The following SLC25A5 variants were observed in gnomAD, a reference collection of about 807,000 sequenced individuals.
SLC25A5 encodes solute carrier family 25 member 5.
In SLC25A5, 4 loss-of-function variants were observed where a neutral mutation model predicts 16.5. That is an observed-to-expected ratio of 0.24 (90% CI 0.12 to 0.56). The LOEUF (loss-of-function observed/expected upper bound fraction) is 0.56, where lower values mean the gene tolerates loss of function less well. Among genes scored for constraint, SLC25A5 ranks in the 20% least tolerant of loss-of-function variants. The probability of loss-of-function intolerance (pLI) is 0.93; values close to 1 mark genes in which losing one functional copy is unlikely to be tolerated. For synonymous variants in SLC25A5, 60 were observed against 95.2 expected (o/e 0.63, Z 2.15); for missense variants, 88 against 248.0 (o/e 0.35, Z 4.33).
Position 119,469,962 on chromosome X carries a change from G to C in SLC25A5, c.413G>C (p.Arg138Pro). 2 of 1,066,337 alleles carry C rather than the reference G, an allele frequency of 1.9e-6. No individual in the cohort carries two copies. Among genetic ancestry groups the C allele is most frequent in the Non-Finnish European group, 2.5e-6 (2 of 814,160 alleles). The allele number at this position is 1,066,337 out of a possible 1,213,427, so 87.9% of individuals were successfully genotyped here. ...TTTGTGTACCCTCTTGATTTTGCCC[G>C]TACCCGTCTAGCAGCTGATGTGGGT... Reference protein sequence around the residue: ...LCFVYPLDFARTRLAADVGKA... With the variant: ...LCFVYPLDFAPTRLAADVGKA... Residue 138 changes from arginine (R) to proline (P), a missense_variant, in exon 2 of 4, where the codon CGT (arginine) becomes CCT (proline). Transcript: ENST00000317881.
At position 119,469,657 on chromosome X, in the gene SLC25A5, T is replaced by C. The variant is rs2052814550; in HGVS notation, c.112-4T>C. ...TCCCTGTTGGCTTCCTTCCTGTCTG[T>C]TAGGTGCAGCATGCCAGCAAGCAGA... On this transcript the variant is annotated splice_polypyrimidine_tract_variant and splice_region_variant and intron_variant, in intron 1 of 3. Coordinates refer to ENST00000317881, the MANE Select transcript of SLC25A5 (RefSeq NM_001152.5). 1 of 986,856 alleles carries C rather than the reference T, an allele frequency of 1.0e-6. No individual in the cohort carries two copies. The highest frequency in any genetic ancestry group is 2.8e-5 in the African/African-American group (1 of 35,615). The allele number at this position is 986,856 out of a possible 1,213,427, so 81.3% of individuals were successfully genotyped here. A position where few individuals can be genotyped will look rare whatever the true frequency, so the allele number is the denominator to read the frequency against.
intron 1 of SLC25A5, chrX:119,469,276 CGG>C (rs1569383776): frequency 8.2e-6 from 1 of 121,717 alleles, no homozygotes; most frequent in Non-Finnish European, 1.7e-5. Flanking sequence ...GGAGTGGGGG[CGG>C]AGCGAGACGG....
chrX:119,470,898 C>T lies in SLC25A5; in HGVS notation c.740-3C>T. 8.6e-7 allele frequency: 1 copy of T among 1,161,419 alleles called. No homozygotes were observed. The highest frequency in any genetic ancestry group is 1.1e-6 in the Non-Finnish European group (1 of 873,518). On this transcript the variant is annotated splice_polypyrimidine_tract_variant and splice_region_variant and intron_variant, in intron 3 of 3. Transcript: ENST00000317881. Reference sequence around the variant, plus strand: ...ACTAACTCCATGTCTTTATTCTTTGCAGCTGACATCATGTACACAGGCACG... The same window carrying T: ...ACTAACTCCATGTCTTTATTCTTTGTAGCTGACATCATGTACACAGGCACG...
rs757976964 is a variant in SLC25A5 at position 119,470,513 on chromosome X, A to G, written c.739A>G (p.Thr247Ala). 2.7e-5 allele frequency: 32 copies of G among 1,195,247 alleles called. No individual in the cohort carries two copies. The Middle Eastern group carries it at 7.0e-4, about 26-fold the overall frequency. Residue 247 changes from threonine (T) to alanine (A), a missense_variant and splice_region_variant, in exon 3 of 4, where the codon ACT becomes GCT. Thr to Ala is a moderately conservative substitution (Grantham distance 58). Transcript: ENST00000317881. ...GATGATGCAGTCAGGGCGCAAAGGA[A>G]GTAAGTTCCACTTGAGCAGAAGATA... ...RMMMQSGRKGTDIMYTGTLDC... is the reference protein window; with the variant it reads ...RMMMQSGRKGADIMYTGTLDC...
At chrX:119,469,569 C>T (rs1284264021) in intron 1 of SLC25A5, 92 bp from the exon 2 acceptor site, 1 of 1,040,412 alleles carries the variant, frequency 9.6e-7, no homozygotes, top group Non-Finnish European at 1.3e-6. Flanking sequence ...GGGAGCCTAC[C>T]TTAAAGGGCA....
chrX:119,468,648 C>G, intron 1 of SLC25A5, 22 bp downstream of exon 1: 2 of 1,162,145 alleles, frequency 1.7e-6, no homozygotes, highest in Non-Finnish European at 2.3e-6. Context: ...GATCCAGGAG[C>G]CCAACCAGGA....
intron 1 of SLC25A5, 98 bp downstream of exon 1, chrX:119,468,724 A>G (rs777616981): frequency 2.8e-6 from 2 of 717,035 alleles, no homozygotes; most frequent in African/African-American, 4.2e-5. Flanking sequence ...CTCTAAAGAC[A>G]TGGCCAGGGA....
intron 3 of SLC25A5, 22 bp from the exon 4 acceptor site, chrX:119,470,879 T>C (rs765331589): frequency 8.3e-7 from 1 of 1,199,968 alleles, no homozygotes; most frequent in Non-Finnish European, 1.1e-6. Context: ...AGTCACTAAC[T>C]CCATGTCTTT....
intron 3 of SLC25A5, 41 bp from the exon 4 acceptor site, chrX:119,470,860 T>C (rs1569384410): frequency 8.5e-7 from 1 of 1,176,142 alleles, no homozygotes; most frequent in Admixed American, 2.5e-5. Context: ...GGATTTTTCA[T>C]CGGCCTTCAG....
In SLC25A5 at chrX:119,470,423, G is replaced by C. The variant is rs1246595933; in HGVS notation, c.649G>C (p.Ala217Pro). 2 of 1,212,446 alleles carry C rather than the reference G, an allele frequency of 1.6e-6. No individual in the cohort carries two copies. The stretch of plus-strand genomic sequence containing the variant: ...TCACATCGTCATCAGCTGGATGATC[G>C]CACAGACTGTCACTGCTGTTGCCGG... ...NTHIVISWMI[A>P]QTVTAVAGLT... The change falls in exon 3 of 4, where the codon GCA becomes CCA. Residue 217 changes from alanine (A) to proline (P), a missense_variant. Transcript: ENST00000317881.
Position 119,471,244 on chromosome X carries a change from G to A in SLC25A5, c.*186G>A, listed in dbSNP as rs1162193562. 1 of 290,562 alleles carries A rather than the reference G, an allele frequency of 3.4e-6. No homozygotes were observed. Among genetic ancestry groups the A allele is most frequent in the Non-Finnish European group, 5.9e-6 (1 of 170,456 alleles). The allele number at this position is 290,562 out of a possible 1,213,427, so 23.9% of individuals were successfully genotyped here. A position where few individuals can be genotyped will look rare whatever the true frequency, so the allele number is the denominator to read the frequency against. ...AGCCATTTCCATGATGATGATGATG[G>A]GACTCAATTGTATTTTTTATTTCAG... On this transcript the variant is annotated 3_prime_UTR_variant, in exon 4 of 4. Coordinates refer to ENST00000317881, the MANE Select transcript of SLC25A5 (RefSeq NM_001152.5).
intron 2 of SLC25A5, 103 bp downstream of exon 2, chrX:119,470,250 G>A: frequency 9.0e-7 from 1 of 1,109,566 alleles, no homozygotes; most frequent in Admixed American, 2.8e-5. Flanking sequence ...TTTTTTAATT[G>A]CTAAAGGAAG....
At chrX:119,469,440 T>G (rs775366469) in intron 1 of SLC25A5, 6 of 390,321 alleles carry the variant, frequency 1.5e-5, no homozygotes, top group Non-Finnish European at 2.7e-5. Flanking sequence ...ATGCCCCCTC[T>G]CCACTCAGAG....
At chrX:119,469,573 A>G in intron 1 of SLC25A5, 88 bp from the exon 2 acceptor site, 2 of 1,049,358 alleles carry the variant, frequency 1.9e-6, no homozygotes, top group Non-Finnish European at 2.6e-6. Flanking sequence ...GCCTACCTTA[A>G]AGGGCATTGA....
chrX:119,468,481 G>A lies in SLC25A5; in HGVS notation c.-35G>A, dbSNP rs779252086. The stretch of plus-strand genomic sequence containing the variant: ...GGAGTCAAAGCCGGTTCCCGGCCCA[G>A]TCCCGTCCTGCAGCAGTCTGCCTCC... On this transcript the variant is annotated 5_prime_UTR_variant, in exon 1 of 4. Coordinates refer to ENST00000317881, the MANE Select transcript of SLC25A5 (RefSeq NM_001152.5). 4 of 1,154,255 alleles carry A rather than the reference G, an allele frequency of 3.5e-6. No homozygotes were observed. Among genetic ancestry groups the A allele is most frequent in the African/African-American group, 1.7e-5 (1 of 57,231 alleles).
At chrX:119,469,124 CGCCCCCGCGCAGCCGCGGCCGCT>C (rs951360973) in intron 1 of SLC25A5, 9 of 113,485 alleles carry the variant, frequency 7.9e-5, no homozygotes, top group African/African-American at 2.2e-4. Flanking sequence ...CTTTTACGTC[CGCCCCCGCGCAGCCGCGGCCGCT>C]GCCGCCGCGT....
In SLC25A5 at chrX:119,468,473, C is replaced by G. The variant is rs763972216; in HGVS notation, c.-43C>G. 1.4e-5 allele frequency: 16 copies of G among 1,130,380 alleles called. No individual in the cohort carries two copies. The highest frequency in any genetic ancestry group is 1.9e-5 in the Non-Finnish European group (16 of 828,041). 93.2% of individuals were successfully genotyped at this position (1,130,380 alleles called of 1,213,427 possible). A position where few individuals can be genotyped will look rare whatever the true frequency, so the allele number is the denominator to read the frequency against. On this transcript the variant is annotated 5_prime_UTR_variant, in exon 1 of 4. Coordinates refer to ENST00000317881, the MANE Select transcript of SLC25A5 (RefSeq NM_001152.5). ...GCAGCGCCGGAGTCAAAGCCGGTTC[C>G]CGGCCCAGTCCCGTCCTGCAGCAGT...
chrX:119,469,870 C>G lies in SLC25A5; in HGVS notation c.321C>G (p.Thr107=). Residue 107 remains threonine, a synonymous_variant, in exon 2 of 4, where the codon ACC becomes ACG. Transcript: ENST00000317881. ...TCCTGGGTGGTGTGGACAAGAGAAC[C>G]CAGTTTTGGCTCTACTTTGCAGGGA... The part of the protein sequence containing the change: ...QIFLGGVDKR[T]QFWLYFAGNL... 1 of 1,212,775 alleles carries G rather than the reference C, an allele frequency of 8.2e-7. No individual in the cohort carries two copies. The highest frequency in any genetic ancestry group is 1.1e-6 in the Non-Finnish European group (1 of 895,668).
intron 1 of SLC25A5, 40 bp downstream of exon 1, chrX:119,468,666 G>GCTC (rs2147312530): frequency 1.8e-6 from 2 of 1,117,659 alleles, no homozygotes; most frequent in East Asian, 3.1e-5. Flanking sequence ...GGAAGTGGGG[G>GCTC]GAAGGGTCGC....
Sources: allele counts gnomAD v4.1 joint callset, GRCh38; gene constraint gnomAD v4.1.1; transcripts MANE v1.5; gene names NCBI Gene and HGNC (gene_info 2026-07-23, HGNC 2026-07-21).